CFAP95: variants seen among roughly 807,000 people sequenced by gnomAD.
CFAP95 encodes the protein cilia- and flagella-associated protein 95.
chr9:69,865,130 T>C, the CFAP95 span, among the ~76,000 whole-genome samples: 1 of 152,162 alleles, frequency 6.6e-6, no homozygotes, highest in Non-Finnish European at 1.5e-5. Flanking sequence ...CTGATGGTTT[T>C]ATAAGGGCCT....
chr9:69,880,172 G>A, the CFAP95 span, among the ~76,000 whole-genome samples: 1 of 152,086 alleles, frequency 6.6e-6, no homozygotes, highest in Admixed American at 6.6e-5. Flanking sequence ...TTATTTTAAA[G>A]TGTACAATTA....
At chr9:69,882,427 A>G in the CFAP95 span, among the ~76,000 whole-genome samples, 1 of 152,288 alleles carries the variant, frequency 6.6e-6, no homozygotes, top group East Asian at 1.9e-4. Flanking sequence ...TCCAATTTGG[A>G]TGCCCTTTAT....
At chr9:69,880,391 A>G in the CFAP95 span, among the ~76,000 whole-genome samples, 9 of 152,260 alleles carry the variant, frequency 5.9e-5, no homozygotes, top group South Asian at 2.1e-4. Flanking sequence ...TCCCTCAAAC[A>G]CGGTGAGAAC....
At chr9:69,886,528 C>T in the CFAP95 span, among the ~76,000 whole-genome samples, 1 of 152,128 alleles carries the variant, frequency 6.6e-6, no homozygotes, top group Non-Finnish European at 1.5e-5. Context: ...GGGTAGAAAA[C>T]GTGAACAGAA....
chr9:69,821,973 G>T, the CFAP95 span, among the ~76,000 whole-genome samples: 86,466 of 151,926 alleles, frequency 0.57, 25,393 homozygotes, highest in South Asian at 0.68. Context: ...GAAGCATTTG[G>T]TTTACTTCTT....
the CFAP95 span, among the ~76,000 whole-genome samples, chr9:69,822,184 GA>G: frequency 6.6e-6 from 1 of 151,722 alleles, no homozygotes; most frequent in Admixed American, 6.6e-5. Flanking sequence ...GGGGCGTGAA[GA>G]AAAAAAAGAA....
the CFAP95 span, chr9:69,886,911 G>A: frequency 7.2e-5 from 115 of 1,598,340 alleles, 1 homozygote; most frequent in Middle Eastern, 3.3e-4. Context: ...TACAAGAACC[G>A]TAGTCTTCTA....
the CFAP95 span, among the ~76,000 whole-genome samples, chr9:69,870,149 T>C: frequency 6.6e-6 from 1 of 152,150 alleles, no homozygotes; most frequent in Non-Finnish European, 1.5e-5. Context: ...CTATTAGGTC[T>C]GAGGAAATTA....
At chr9:69,889,916 T>C in the CFAP95 span, among the ~76,000 whole-genome samples, 8 of 152,092 alleles carry the variant, frequency 5.3e-5, no homozygotes, top group African/African-American at 1.7e-4. Context: ...CCAAACTACA[T>C]AAAAATATAG....
At chr9:69,886,001 A>G in the CFAP95 span, among the ~76,000 whole-genome samples, 2 of 152,204 alleles carry the variant, frequency 1.3e-5, no homozygotes, top group East Asian at 1.9e-4. Flanking sequence ...TCAGAAATGA[A>G]CAATTTGTAA....
the CFAP95 span, among the ~76,000 whole-genome samples, chr9:69,849,848 T>A: frequency 6.6e-6 from 1 of 152,188 alleles, no homozygotes; most frequent in South Asian, 2.1e-4. Flanking sequence ...TTTGCCCTGA[T>A]TGTCTTATTC....
At chr9:69,844,052 C>T in the CFAP95 span, among the ~76,000 whole-genome samples, 2 of 151,984 alleles carry the variant, frequency 1.3e-5, no homozygotes, top group South Asian at 4.2e-4. Context: ...TCCTTTATTG[C>T]CTCTTTAGAA....
the CFAP95 span, among the ~76,000 whole-genome samples, chr9:69,839,801 C>T: frequency 2.0e-5 from 3 of 151,472 alleles, no homozygotes; most frequent in Non-Finnish European, 4.4e-5. Context: ...TTTGGCCAGG[C>T]GCAGTGGCTC....
chr9:69,842,347 T>C, the CFAP95 span, among the ~76,000 whole-genome samples: 1 of 152,118 alleles, frequency 6.6e-6, no homozygotes, highest in East Asian at 1.9e-4. Flanking sequence ...CAAAGATGGA[T>C]TCTTGGCATT....
the CFAP95 span, among the ~76,000 whole-genome samples, chr9:69,897,636 G>A: frequency 6.6e-6 from 1 of 152,148 alleles, no homozygotes. Context: ...GCTAAGGACT[G>A]GCTATACAGT....
At chr9:69,837,946 A>T in the CFAP95 span, among the ~76,000 whole-genome samples, 3 of 152,238 alleles carry the variant, frequency 2.0e-5, no homozygotes, top group Non-Finnish European at 2.9e-5. Flanking sequence ...AGCTTTCTAC[A>T]TATGACTAGC....
chr9:69,880,825 T>C, the CFAP95 span, among the ~76,000 whole-genome samples: 1 of 152,210 alleles, frequency 6.6e-6, no homozygotes, highest in Admixed American at 6.5e-5. Context: ...GCATTTGTTA[T>C]TGCCTGTCTT....
At chr9:69,898,154 G>C in the CFAP95 span, among the ~76,000 whole-genome samples, 1 of 152,074 alleles carries the variant, frequency 6.6e-6, no homozygotes, top group South Asian at 2.1e-4. Context: ...GAGGTTAATT[G>C]ACATTGTTGT....
chr9:69,868,487 G>A, the CFAP95 span, among the ~76,000 whole-genome samples: 8 of 151,820 alleles, frequency 5.3e-5, no homozygotes, highest in Admixed American at 3.9e-4. Flanking sequence ...GTGAAACCCC[G>A]TCTCTATTAA....
Sources: allele counts gnomAD v4.1 joint callset (sites outside exome capture counted in the v4.1 genomes callset), GRCh38; gene constraint gnomAD v4.1.1; transcripts MANE v1.5; gene names NCBI Gene and HGNC (gene_info 2026-07-23, HGNC 2026-07-21).